NRCAM: variants seen among roughly 807,000 people sequenced by gnomAD.
NRCAM encodes NgCAM-related cell adhesion molecule.
Under a neutral mutation model 156.5 loss-of-function variants are expected in NRCAM, and 83 were observed. The ratio of observed to expected loss-of-function variants is 0.53; its 90% CI spans 0.44 to 0.64. NRCAM has a LOEUF of 0.64. Among genes scored for constraint, NRCAM ranks in the 30% least tolerant of loss-of-function variants. The pLI is 0.00. For missense variants in NRCAM, 1,417 were observed against 1,597.3 expected (o/e 0.89, Z 1.92); for synonymous variants, 538 against 563.9 (o/e 0.95, Z 0.65).
At chr7:108,152,927 C>T (rs377926) in intron 32 of NRCAM, among the ~76,000 whole-genome samples, 141,715 of 152,210 alleles carry the variant, frequency 0.93, 66,006 homozygotes, top group East Asian at 1. Context: ...ATAGGTTAGA[C>T]ATGGAATAAC....
intron 1 of NRCAM, among the ~76,000 whole-genome samples, chr7:108,410,116 A>G (rs1296625043): frequency 1.3e-5 from 2 of 152,222 alleles, no homozygotes; most frequent in Non-Finnish European, 2.9e-5. Flanking sequence ...AATATTCTTA[A>G]GTTGTATTTT....
intron 24 of NRCAM, among the ~76,000 whole-genome samples, chr7:108,181,258 A>T (rs1158912509): frequency 6.6e-6 from 1 of 152,154 alleles, no homozygotes; most frequent in Non-Finnish European, 1.5e-5. Flanking sequence ...GGCTTAACAA[A>T]TCAAAGTAGT....
In NRCAM at chr7:108,166,937, C is replaced by T. The variant is rs779976831; in HGVS notation, c.3450G>A (p.Val1150=). 7.4e-6 allele frequency: 12 copies of T among 1,613,882 alleles called. No homozygotes were observed. In the South Asian group the frequency reaches 1.3e-4, roughly 18 times the overall value. ...GAGCCTCACCTGGGCCTGTCTCAAA[C>T]ACATCCTCTGAACTCACAAAACCAG... ...GDSGFVSSED[V]FETGPAMASR... The change falls in exon 30 of 33, where the codon GTG becomes GTA. Residue 1150 remains valine, a synonymous_variant. Coordinates refer to ENST00000379028, the MANE Select transcript of NRCAM (RefSeq NM_001037132.4).
intron 20 of NRCAM, among the ~76,000 whole-genome samples, chr7:108,187,187 A>G (rs926402169): frequency 1.3e-5 from 2 of 152,132 alleles, no homozygotes; most frequent in Non-Finnish European, 2.9e-5. Context: ...TTATTCATTC[A>G]TCACTCCTCT....
intron 3 of NRCAM, among the ~76,000 whole-genome samples, chr7:108,273,514 T>C (rs1053497726): frequency 2.0e-5 from 3 of 152,252 alleles, no homozygotes; most frequent in Non-Finnish European, 4.4e-5. Context: ...ATGAGCTTTT[T>C]TTCATATGTC....
chr7:108,252,861 G>A (rs1016819740), intron 3 of NRCAM, among the ~76,000 whole-genome samples: 1 of 152,184 alleles, frequency 6.6e-6, no homozygotes, highest in Admixed American at 6.5e-5. Flanking sequence ...CGAAAATTTT[G>A]CCCAAGATGG....
intron 2 of NRCAM, among the ~76,000 whole-genome samples, chr7:108,355,077 T>G (rs183431361): frequency 2.6e-5 from 4 of 152,348 alleles, no homozygotes; most frequent in Admixed American, 2.0e-4. Flanking sequence ...TGATAAGAAT[T>G]GAAGCCTTAT....
intron 1 of NRCAM, among the ~76,000 whole-genome samples, chr7:108,402,724 G>A (rs920498899): frequency 2.6e-4 from 40 of 152,206 alleles, no homozygotes; most frequent in African/African-American, 9.2e-4. Flanking sequence ...ACAGCCCACT[G>A]TTCAGAAAAA....
chr7:108,408,107 C>CT (rs1029959107), intron 1 of NRCAM, among the ~76,000 whole-genome samples: 1 of 152,018 alleles, frequency 6.6e-6, no homozygotes, highest in African/African-American at 2.4e-5. Context: ...GATTTGTTTT[C>CT]TTTTTTTAAA....
At chr7:108,456,005 G>C (rs1167234900) in intron 1 of NRCAM, among the ~76,000 whole-genome samples, 1 of 152,214 alleles carries the variant, frequency 6.6e-6, no homozygotes, top group Non-Finnish European at 1.5e-5. Flanking sequence ...CTTCACCCAA[G>C]CGCAGGTCCC....
At chr7:108,232,551 T>C (rs766977230) in intron 6 of NRCAM, 29 bp from the exon 7 acceptor site, 1 of 1,508,982 alleles carries the variant, frequency 6.6e-7, no homozygotes. Flanking sequence ...GTTAAGTGTA[T>C]TAATGGTCCA....
chr7:108,215,042 G>A (rs2087214479), intron 11 of NRCAM, among the ~76,000 whole-genome samples: 1 of 152,070 alleles, frequency 6.6e-6, no homozygotes, highest in African/African-American at 2.4e-5. Flanking sequence ...GAATAAGTGT[G>A]ATGTGGTGCT....
intron 3 of NRCAM, among the ~76,000 whole-genome samples, chr7:108,284,475 T>G (rs2097997217): frequency 6.6e-6 from 1 of 152,204 alleles, no homozygotes; most frequent in African/African-American, 2.4e-5. Flanking sequence ...TTACAAAACC[T>G]TAATCACATG....
chr7:108,186,816 C>T (rs1045226929), intron 20 of NRCAM, among the ~76,000 whole-genome samples: 1 of 152,158 alleles, frequency 6.6e-6, no homozygotes, highest in Non-Finnish European at 1.5e-5. Context: ...ACCTTGTAAA[C>T]AGATTGGACA....
intron 1 of NRCAM, among the ~76,000 whole-genome samples, chr7:108,438,267 C>A (rs563738349): frequency 6.6e-6 from 1 of 152,106 alleles, no homozygotes; most frequent in African/African-American, 2.4e-5. Flanking sequence ...AACACAGAAG[C>A]AAATATCCTA....
intron 2 of NRCAM, among the ~76,000 whole-genome samples, chr7:108,331,489 T>C (rs2099126233): frequency 6.6e-6 from 1 of 152,178 alleles, no homozygotes; most frequent in Non-Finnish European, 1.5e-5. Flanking sequence ...CTAAACACCA[T>C]AATGCATGTG....
chr7:108,232,342 A>G lies in NRCAM; in HGVS notation c.411T>C (p.Ile137=). 1 of 1,605,148 alleles carries G rather than the reference A, an allele frequency of 6.2e-7. No individual in the cohort carries two copies. Among genetic ancestry groups the G allele is most frequent in the Non-Finnish European group, 8.5e-7 (1 of 1,176,952 alleles). ...NERGAAVSNN[I]VVRPSRSPLW... is the part of the protein sequence containing the mutation. Reference sequence around the variant, plus strand: ...TCCACTTACTGGATGGGCGGACAACAATGTTATTAGAAACTGCAGCTCCGC... The same window carrying G: ...TCCACTTACTGGATGGGCGGACAACGATGTTATTAGAAACTGCAGCTCCGC... Residue 137 remains isoleucine (I), a synonymous_variant, in exon 7 of 33, where the codon ATT becomes ATC. Coordinates refer to ENST00000379028, the MANE Select transcript of NRCAM (RefSeq NM_001037132.4).
At chr7:108,364,972 A>C (rs2099583317) in intron 2 of NRCAM, among the ~76,000 whole-genome samples, 1 of 152,174 alleles carries the variant, frequency 6.6e-6, no homozygotes, top group Admixed American at 6.5e-5. Context: ...CATATGTGAA[A>C]TATATCTCAA....
At chr7:108,348,237 T>A (rs117878361) in intron 2 of NRCAM, among the ~76,000 whole-genome samples, 3,828 of 152,196 alleles carry the variant, frequency 0.025, 65 homozygotes, top group Non-Finnish European at 0.037. Context: ...TGCATGTGTG[T>A]GTGAGTGAGT....
Sources: allele counts gnomAD v4.1 joint callset (sites outside exome capture counted in the v4.1 genomes callset), GRCh38; gene constraint gnomAD v4.1.1; transcripts MANE v1.5; gene names NCBI Gene and HGNC (gene_info 2026-07-23, HGNC 2026-07-21).